The following DLG2 variants were observed in gnomAD, a reference collection of about 807,000 sequenced individuals.
DLG2 encodes the protein discs large MAGUK scaffold protein 2.
In DLG2, 45 loss-of-function variants were observed where a neutral mutation model predicts 132.5. The ratio of observed to expected loss-of-function variants is 0.34; its 90% CI spans 0.27 to 0.44. The LOEUF is 0.44. DLG2 is among the 20% of genes least tolerant of loss of function. The pLI, the probability that DLG2 is intolerant of heterozygous loss-of-function variation, is 1.00. For missense variants in DLG2, 1,045 were observed against 1,196.9 expected, an observed-to-expected ratio of 0.87 and a Z score of 1.87; for synonymous variants, 424 against 419.6, an observed-to-expected ratio of 1.01 and a Z score of -0.13.
At position 85,581,199 on chromosome 11, in the gene DLG2, G is replaced by A. The variant is rs145858879; in HGVS notation, c.40+17458C>T. Among the ~76,000 whole-genome samples, 813 of 152,226 alleles carry A rather than the reference G, an allele frequency of 5.3e-3. 8 individuals are homozygous for A. The highest frequency in any genetic ancestry group is 0.018 in the African/African-American group (753 of 41,534). On this transcript the variant is annotated intron_variant, in intron 3 of 27. Coordinates refer to ENST00000376104, the MANE Select transcript of DLG2 (RefSeq NM_001142699.3). ...CTGTACTGTGTTACAGTAACAGCTC[G>A]CTCTCCATGCTCCTTAAGCAGTCTC...
At chr11:84,985,991 C>CAAAAAAAAAA (rs71036455) in intron 6 of DLG2, among the ~76,000 whole-genome samples, 15 of 44,228 alleles carry the variant, frequency 3.4e-4, no homozygotes, top group African/African-American at 4.0e-4. Context: ...GACTCCGTCT[C>CAAAAAAAAAA]AAAAAAAAAA....
chr11:84,374,723 T>C (rs1238786408), intron 7 of DLG2, among the ~76,000 whole-genome samples: 1 of 152,128 alleles, frequency 6.6e-6, no homozygotes, highest in African/African-American at 2.4e-5. Flanking sequence ...CTTCCCAGCT[T>C]CATTTTTCCC....
At chr11:85,338,078 T>C (rs752803649) in intron 3 of DLG2, among the ~76,000 whole-genome samples, 1 of 152,090 alleles carries the variant, frequency 6.6e-6, no homozygotes, top group African/African-American at 2.4e-5. Flanking sequence ...ATATAGCATA[T>C]TCAACTACCT....
chr11:85,158,448 G>A (rs916148853), intron 4 of DLG2, among the ~76,000 whole-genome samples: 1 of 152,170 alleles, frequency 6.6e-6, no homozygotes, highest in Admixed American at 6.5e-5. Context: ...GGGAGATTGG[G>A]ATGGTGGAGT....
chr11:83,876,290 G>A (rs1046502492), intron 15 of DLG2, among the ~76,000 whole-genome samples: 2 of 152,132 alleles, frequency 1.3e-5, no homozygotes, highest in East Asian at 3.8e-4. Context: ...TTATGATTTA[G>A]CAGAGCGTGT....
intron 8 of DLG2, among the ~76,000 whole-genome samples, chr11:84,186,504 T>C (rs532013251): frequency 6.6e-6 from 1 of 152,112 alleles, no homozygotes; most frequent in Admixed American, 6.6e-5. Flanking sequence ...TTATTATTAA[T>C]AGTAATACTA....
chr11:85,023,105 C>G (rs890360392), intron 6 of DLG2, among the ~76,000 whole-genome samples: 1 of 151,794 alleles, frequency 6.6e-6, no homozygotes, highest in Non-Finnish European at 1.5e-5. Context: ...GAGTTTTTTT[C>G]TCTCACTTAT....
chr11:84,347,596 G>A (rs1358120449), intron 7 of DLG2, among the ~76,000 whole-genome samples: 6 of 152,130 alleles, frequency 3.9e-5, no homozygotes, highest in Admixed American at 3.9e-4. Context: ...TGACATGGAG[G>A]AAAAATCTGG....
rs182226259 is a variant in DLG2, at chr11:84,545,355, T to C, written c.358-10624A>G. On this transcript the variant is annotated intron_variant, in intron 6 of 27. Transcript: ENST00000376104. The stretch of plus-strand genomic sequence containing the variant: ...TAAAACTGCTTCCATCATTTACAAA[T>C]CCATTATAGCCATCCCACTGCCACC... 5.1e-3 allele frequency: 2,700 copies of C among 527,336 alleles called. 14 individuals carry two copies. The highest frequency in any genetic ancestry group is 7.2e-3 in the Non-Finnish European group (1,967 of 274,088). 32.7% of individuals were successfully genotyped at this position (527,336 alleles called of 1,614,324 possible). A position where few individuals can be genotyped will look rare whatever the true frequency, so the allele number is the denominator to read the frequency against.
At chr11:84,424,808 T>C (rs2098961297) in intron 7 of DLG2, among the ~76,000 whole-genome samples, 1 of 152,086 alleles carries the variant, frequency 6.6e-6, no homozygotes, top group Non-Finnish European at 1.5e-5. Context: ...TATTCTAATC[T>C]TGGAGAACAG....
At chr11:85,346,033 T>C (rs200778054) in intron 3 of DLG2, among the ~76,000 whole-genome samples, 1 of 151,866 alleles carries the variant, frequency 6.6e-6, no homozygotes, top group Non-Finnish European at 1.5e-5. Context: ...AGCAAGTATA[T>C]TAAGAAAGTA....
At chr11:84,316,155 T>C (rs978336598) in intron 7 of DLG2, among the ~76,000 whole-genome samples, 4 of 152,232 alleles carry the variant, frequency 2.6e-5, no homozygotes, top group Non-Finnish European at 2.9e-5. Flanking sequence ...TCTGCACATC[T>C]GCTTTAGAAA....
At chr11:84,688,113 G>A (rs1470356270) in intron 6 of DLG2, among the ~76,000 whole-genome samples, 1 of 152,130 alleles carries the variant, frequency 6.6e-6, no homozygotes, top group Non-Finnish European at 1.5e-5. Flanking sequence ...AGACATCACT[G>A]AGCAGTAGGA....
chr11:83,790,292 A>T, intron 17 of DLG2: 1 of 933,712 alleles, frequency 1.1e-6, no homozygotes, highest in Non-Finnish European at 1.7e-6. Context: ...TCTAGTGTGA[A>T]CTGTTTTACC....
chr11:84,516,046 G>A lies in DLG2; in HGVS notation c.519+18524C>T, dbSNP rs547891659. 2.4e-3 allele frequency among the ~76,000 whole-genome samples: 359 copies of A among 151,444 alleles called. 1 individual carries two copies. Among genetic ancestry groups the A allele is most frequent in the Non-Finnish European group, 4.3e-3 (293 of 67,590 alleles). ...AATATCTGTTGAGACAAATGAAAAT[G>A]AGAGCACAATATACAAAAACCGACA... On this transcript the variant is annotated intron_variant, in intron 7 of 27. Transcript: ENST00000376104.
At chr11:83,507,527 TATATCCTAA>T (rs2094774679) in intron 21 of DLG2, among the ~76,000 whole-genome samples, 1 of 146,126 alleles carries the variant, frequency 6.8e-6, no homozygotes, top group African/African-American at 2.5e-5. Flanking sequence ...TATCCATATA[TATATCCTAA>T]ATATCCTAAA....
intron 6 of DLG2, among the ~76,000 whole-genome samples, chr11:84,652,749 A>T (rs979513031): frequency 6.6e-6 from 1 of 152,136 alleles, no homozygotes; most frequent in Non-Finnish European, 1.5e-5. Context: ...TTTAACTATT[A>T]TTGTTAGACC....
chr11:83,755,790 G>A (rs1312040188), intron 18 of DLG2, among the ~76,000 whole-genome samples: 7 of 151,238 alleles, frequency 4.6e-5, no homozygotes, highest in African/African-American at 7.4e-5. Context: ...TGACTATGGC[G>A]GTTACTACGC....
intron 3 of DLG2, among the ~76,000 whole-genome samples, chr11:85,507,593 T>C (rs926121584): frequency 1.3e-5 from 2 of 152,360 alleles, no homozygotes; most frequent in East Asian, 1.9e-4. Context: ...GTTAGTCTGA[T>C]GGGCTTCCCT....
Sources: allele counts gnomAD v4.1 joint callset (sites outside exome capture counted in the v4.1 genomes callset), GRCh38; gene constraint gnomAD v4.1.1; transcripts MANE v1.5; gene names NCBI Gene and HGNC (gene_info 2026-07-23, HGNC 2026-07-21).